RBFOX1: variants seen among roughly 807,000 people sequenced by gnomAD.
RBFOX1 encodes RNA binding fox-1 homolog 1, also known as RNA binding protein fox-1 homolog 1.
In RBFOX1, 8 loss-of-function variants were observed where a neutral mutation model predicts 57.7. The ratio of observed to expected loss-of-function variants is 0.14; its 90% confidence interval spans 0.08 to 0.25. The LOEUF (loss-of-function observed/expected upper bound fraction) is 0.25. Ranked by LOEUF, RBFOX1 falls within the 10% of genes least tolerant of loss-of-function variation. The probability of loss-of-function intolerance (pLI) is 1.00; values close to 1 mark genes in which losing one functional copy is unlikely to be tolerated. For synonymous variants in RBFOX1, 326 were observed against 222.4 expected (o/e 1.47, Z -4.15); for missense variants, 611 against 548.5 (o/e 1.11, Z -1.14).
chr16:6,159,329 G>A (rs1425659967), intron 1 of RBFOX1, among the ~76,000 whole-genome samples: 3 of 152,062 alleles, frequency 2.0e-5, no homozygotes, highest in East Asian at 1.9e-4. Context: ...TGCCCGCCTC[G>A]GCCTCCCAAA....
chr16:7,487,338 A>G (rs756259283), intron 4 of RBFOX1, among the ~76,000 whole-genome samples: 7 of 152,124 alleles, frequency 4.6e-5, no homozygotes, highest in Non-Finnish European at 1.0e-4. Flanking sequence ...CCTCATACTC[A>G]TCACATGTAT....
chr16:6,713,491 T>G (rs546359256), intron 3 of RBFOX1, among the ~76,000 whole-genome samples: 1 of 152,126 alleles, frequency 6.6e-6, no homozygotes, highest in Non-Finnish European at 1.5e-5. Flanking sequence ...CATTGTAGGA[T>G]GTTGAGGAGC....
chr16:6,752,623 A>G (rs11648546), intron 3 of RBFOX1, among the ~76,000 whole-genome samples: 147,448 of 152,284 alleles, frequency 0.97, 71,573 homozygotes, highest in East Asian at 1. Flanking sequence ...GCATCTTGCC[A>G]TAATGTTCTT....
At chr16:6,077,858 G>C (rs543005855) in intron 1 of RBFOX1, among the ~76,000 whole-genome samples, 108 of 152,158 alleles carry the variant, frequency 7.1e-4, no homozygotes, top group Non-Finnish European at 1.3e-3. Flanking sequence ...TTGGGAGCTT[G>C]CATGATATGA....
At chr16:7,031,747 AAAC>A (rs2042858365) in intron 3 of RBFOX1, among the ~76,000 whole-genome samples, 1 of 152,186 alleles carries the variant, frequency 6.6e-6, no homozygotes, top group Admixed American at 6.5e-5. Flanking sequence ...CTGTGCCCTC[AAAC>A]AACATCCCGT....
At chr16:6,584,608 A>G (rs2097581082) in intron 2 of RBFOX1, among the ~76,000 whole-genome samples, 1 of 151,832 alleles carries the variant, frequency 6.6e-6, no homozygotes, top group African/African-American at 2.4e-5. Flanking sequence ...ACCTCAAATG[A>G]TCCACCTGCC....
chr16:6,368,072 G>C (rs148332152), intron 2 of RBFOX1, among the ~76,000 whole-genome samples: 3 of 152,286 alleles, frequency 2.0e-5, no homozygotes, highest in East Asian at 1.9e-4. Context: ...CAGGCTCTCT[G>C]AAGTTGTTTC....
chr16:7,059,586 A>G (rs2053603348), intron 4 of RBFOX1, among the ~76,000 whole-genome samples: 1 of 152,170 alleles, frequency 6.6e-6, no homozygotes, highest in South Asian at 2.1e-4. Flanking sequence ...TATGAGAAAC[A>G]AGAGATGCTG....
intron 1 of RBFOX1, among the ~76,000 whole-genome samples, chr16:6,175,395 A>G (rs77841392): frequency 6.6e-6 from 1 of 152,110 alleles, no homozygotes; most frequent in East Asian, 1.9e-4. Flanking sequence ...GCGCATTAGT[A>G]TGTTAACATT....
At chr16:7,471,530 T>C (rs1331892979) in intron 4 of RBFOX1, among the ~76,000 whole-genome samples, 2 of 152,176 alleles carry the variant, frequency 1.3e-5, no homozygotes, top group Non-Finnish European at 2.9e-5. Flanking sequence ...ATAGTCCAGT[T>C]TACTTCTGAA....
chr16:7,683,471 TA>T (rs1490871492), intron 14 of RBFOX1, among the ~76,000 whole-genome samples: 2 of 151,948 alleles, frequency 1.3e-5, no homozygotes, highest in African/African-American at 4.8e-5. Context: ...TGAATCAGTT[TA>T]AAAAAAGAAC....
chr16:6,623,498 G>C (rs552291541), intron 2 of RBFOX1, among the ~76,000 whole-genome samples: 149 of 151,428 alleles, frequency 9.8e-4, no homozygotes, highest in Middle Eastern at 3.2e-3. Context: ...CAATGTGCAG[G>C]TTAGTTACAT....
At chr16:6,976,748 C>CATAT (rs144220608) in intron 3 of RBFOX1, among the ~76,000 whole-genome samples, 5,858 of 144,876 alleles carry the variant, frequency 0.04, 389 homozygotes, top group African/African-American at 0.14. Flanking sequence ...ACATATATAT[C>CATAT]ATGTCATACA....
intron 1 of RBFOX1, among the ~76,000 whole-genome samples, chr16:6,206,637 A>G (rs2097257223): frequency 6.6e-6 from 1 of 152,150 alleles, no homozygotes; most frequent in South Asian, 2.1e-4. Flanking sequence ...TTAACTTTTC[A>G]TTTTGAAATA....
chr16:6,136,655 C>G (rs528415944), intron 1 of RBFOX1, among the ~76,000 whole-genome samples: 1 of 152,154 alleles, frequency 6.6e-6, no homozygotes, highest in East Asian at 1.9e-4. Context: ...CCCACAAAGA[C>G]AAAATGCACA....
At chr16:6,892,530 C>T (rs2065705569) in intron 3 of RBFOX1, among the ~76,000 whole-genome samples, 1 of 152,036 alleles carries the variant, frequency 6.6e-6, no homozygotes, top group Non-Finnish European at 1.5e-5. Context: ...ATTAGCTGCG[C>T]ATGGTGGCAC....
intron 1 of RBFOX1, among the ~76,000 whole-genome samples, chr16:5,319,930 G>A (rs2064355750): frequency 6.6e-6 from 1 of 152,174 alleles, no homozygotes; most frequent in South Asian, 2.1e-4. Context: ...GTTTTCATGG[G>A]TCATCTCTGT....
At chr16:5,979,283 G>A (rs1458107081) in intron 4 of RBFOX1, among the ~76,000 whole-genome samples, 2 of 152,198 alleles carry the variant, frequency 1.3e-5, no homozygotes, top group Non-Finnish European at 2.9e-5. Context: ...GGTATCATTT[G>A]TTGCAGTGAT....
intron 3 of RBFOX1, among the ~76,000 whole-genome samples, chr16:6,967,212 C>G (rs560551683): frequency 4.6e-5 from 7 of 152,250 alleles, no homozygotes; most frequent in Admixed American, 6.5e-5. Context: ...ATCCATCTCT[C>G]CATCCATCAT....
Sources: gnomAD v4.1 joint callset for allele counts (sites outside exome capture counted in the v4.1 genomes callset) on GRCh38, gnomAD v4.1.1 for gene constraint, MANE v1.5 for transcripts, NCBI Gene and HGNC (gene_info 2026-07-23, HGNC 2026-07-21) for gene names.